OLIG3: variants seen among roughly 807,000 people sequenced by gnomAD.
OLIG3 encodes oligodendrocyte transcription factor 3.
Under a neutral mutation model 14.7 loss-of-function variants are expected in OLIG3, and 12 were observed. That is an observed-to-expected ratio of 0.82 (90% confidence interval 0.52 to 1.32). OLIG3 has a LOEUF of 1.32. OLIG3 is among the 40% of genes most tolerant of loss of function. The pLI, the probability that OLIG3 is intolerant of heterozygous loss-of-function variation, is 0.00. For missense variants in OLIG3, 405 were observed against 373.7 expected, an observed-to-expected ratio of 1.08 and a Z score of -0.69; for synonymous variants, 192 against 171.4, an observed-to-expected ratio of 1.12 and a Z score of -0.94.
rs1267346919 is a variant in OLIG3, at chr6:137,493,644, T to C, written c.527A>G (p.Asn176Ser). The C allele has an allele frequency of 6.2e-7, 1 of 1,608,688 alleles. No individual in the cohort carries two copies. Among genetic ancestry groups the C allele is most frequent in the East Asian group, 2.2e-5 (1 of 44,842 alleles). Residue 176 changes from asparagine to serine, a missense_variant, in exon 1 of 1, where the codon AAC becomes AGC. Transcript: ENST00000367734. This position sits in a 1 kb window ranked among gnomAD's most constrained non-coding sequence, Gnocchi z 6.1. ...HSAGHPAHAA[N>S]SVHPVHPILG... ...GATGGGGTGCACCGGGTGCACGGAG[T>C]TGGCCGCGTGCGCGGGGTGGCCGGC...
rs1419667736 is a variant in OLIG3 at position 137,494,015 on chromosome 6, G to A, written c.156C>T (p.Pro52=). The change falls in exon 1 of 1, where the codon CCC becomes CCT. Residue 52 remains proline (P), a synonymous_variant. Coordinates refer to ENST00000367734, the MANE Select transcript of OLIG3 (RefSeq NM_175747.2). ...CGCCAGCCCGCGAGAGGCTTTCCCC[G>A]GGCATCTTCTGCATCATATCGCCCT... The part of the protein sequence containing the change: ...STQGDMMQKM[P]GESLSRAGAK... 4 of 1,613,106 alleles carry A rather than the reference G, an allele frequency of 2.5e-6. No individual in the cohort carries two copies. The highest frequency in any genetic ancestry group is 1.7e-5 in the Admixed American group (1 of 60,022).
Position 137,494,208 on chromosome 6 carries a change from T to C in OLIG3, c.-38A>G. ...GATGCGGCCCTACCGTGGGGAGGCT[T>C]TAGGCGGGAAATTAAAGAAAATCTT... On this transcript the variant is annotated 5_prime_UTR_variant, in exon 1 of 1. Coordinates refer to ENST00000367734, the MANE Select transcript of OLIG3 (RefSeq NM_175747.2). The C allele has an allele frequency of 6.6e-7, 1 of 1,519,894 alleles. No homozygotes were observed. Among genetic ancestry groups the C allele is most frequent in the Non-Finnish European group, 8.9e-7 (1 of 1,126,016 alleles). The allele number at this position is 1,519,894 out of a possible 1,614,324, so 94.2% of individuals were successfully genotyped here.
In OLIG3 at chr6:137,493,577, C is replaced by G. The variant is rs780244755; in HGVS notation, c.594G>C (p.Leu198=). 6.3e-7 allele frequency: 1 copy of G among 1,592,698 alleles called. No individual in the cohort carries two copies. Among genetic ancestry groups the G allele is most frequent in the Admixed American group, 1.7e-5 (1 of 57,282 alleles). Reference sequence around the variant, plus strand: ...CGATGGCGGGAAGTGAGGCGGCGGACAGCGGTGACGAGGCGTTGCCAGATG... The same window carrying G: ...CGATGGCGGGAAGTGAGGCGGCGGAGAGCGGTGACGAGGCGTTGCCAGATG... ...ALSSGNASSP[L]SAASLPAIGT... is the part of the protein sequence containing the mutation. The change falls in exon 1 of 1, where the codon CTG becomes CTC. Residue 198 remains leucine (L), a synonymous_variant. Coordinates refer to ENST00000367734, the MANE Select transcript of OLIG3 (RefSeq NM_175747.2). This position sits in a 1 kb window ranked among gnomAD's most constrained non-coding sequence, Gnocchi z 6.1.
chr6:137,493,254 G>A lies in OLIG3; in HGVS notation c.*98C>T. ...TGCGGGCCCCGGAGCCTGCCCTCCCGTGGGCCGAGCGTGCAGCCTCCCTCT... is the reference window on the plus strand; with the variant it reads ...TGCGGGCCCCGGAGCCTGCCCTCCCATGGGCCGAGCGTGCAGCCTCCCTCT... On this transcript the variant is annotated 3_prime_UTR_variant, in exon 1 of 1. Coordinates refer to ENST00000367734, the MANE Select transcript of OLIG3 (RefSeq NM_175747.2). The surrounding 1 kb of genome is among the most constrained non-coding windows in gnomAD (Gnocchi z 6.1). 2 of 1,019,592 alleles carry A rather than the reference G, an allele frequency of 2.0e-6. No homozygotes were observed. The highest frequency in any genetic ancestry group is 3.5e-5 in the South Asian group (2 of 56,914). The allele number at this position is 1,019,592 out of a possible 1,614,324, so 63.2% of individuals were successfully genotyped here. A position where few individuals can be genotyped will look rare whatever the true frequency, so the allele number is the denominator to read the frequency against.
At position 137,493,377 on chromosome 6, in the gene OLIG3, G is replaced by C; in HGVS notation, c.794C>G (p.Ala265Gly). 6.3e-7 allele frequency: 1 copy of C among 1,590,946 alleles called. No individual in the cohort carries two copies. The highest frequency in any genetic ancestry group is 8.5e-7 in the Non-Finnish European group (1 of 1,176,116). The change falls in exon 1 of 1, where the codon GCC becomes GGC. Residue 265 changes from alanine (A) to glycine (G), a missense_variant. Physicochemically the swap from Ala to Gly is moderately conservative, Grantham distance 60 (BLOSUM62 0). Around this residue, in one of 3 missense-constraint regions of OLIG3, gnomAD observed 230 missense variants for 178.5 expected, o/e 1.29. Coordinates refer to ENST00000367734, the MANE Select transcript of OLIG3 (RefSeq NM_175747.2). This position sits in a 1 kb window ranked among gnomAD's most constrained non-coding sequence, Gnocchi z 6.1. ...LSTANMARLS[A>G]ESKDLLK ...TCACTTGAGCAAGTCCTTGGACTCGGCCGACAGCCGGGCCATGTTGGCTGT... is the reference window on the plus strand; with the variant it reads ...TCACTTGAGCAAGTCCTTGGACTCGCCCGACAGCCGGGCCATGTTGGCTGT...
rs192339722 is a variant in OLIG3 at position 137,493,317 on chromosome 6, C to G, written c.*35G>C. Reference sequence around the variant, plus strand: ...CGGCACCGCGGCCCCTCCCGCCGCTCTCCCTCCTCCTTGGCAGCCGGGCCC... The same window carrying G: ...CGGCACCGCGGCCCCTCCCGCCGCTGTCCCTCCTCCTTGGCAGCCGGGCCC... On this transcript the variant is annotated 3_prime_UTR_variant, in exon 1 of 1. Coordinates refer to ENST00000367734, the MANE Select transcript of OLIG3 (RefSeq NM_175747.2). The surrounding 1 kb of genome is among the most constrained non-coding windows in gnomAD (Gnocchi z 6.1). 3,460 of 1,490,486 alleles carry G rather than the reference C, an allele frequency of 2.3e-3. 7 individuals are homozygous for G. The highest frequency in any genetic ancestry group is 2.9e-3 in the Non-Finnish European group (3,260 of 1,129,104). The allele number at this position is 1,490,486 out of a possible 1,614,324, so 92.3% of individuals were successfully genotyped here.
At position 137,493,242 on chromosome 6, in the gene OLIG3, G is replaced by T; in HGVS notation, c.*110C>A. ...AGCGTGGGAGGCTGCGGGCCCCGGAGCCTGCCCTCCCGTGGGCCGAGCGTG... is the reference window on the plus strand; with the variant it reads ...AGCGTGGGAGGCTGCGGGCCCCGGATCCTGCCCTCCCGTGGGCCGAGCGTG... On this transcript the variant is annotated 3_prime_UTR_variant, in exon 1 of 1. Coordinates refer to ENST00000367734, the MANE Select transcript of OLIG3 (RefSeq NM_175747.2). This position sits in a 1 kb window ranked among gnomAD's most constrained non-coding sequence, Gnocchi z 6.1. 1 of 867,724 alleles carries T rather than the reference G, an allele frequency of 1.2e-6. No homozygotes were observed. Among genetic ancestry groups the T allele is most frequent in the Non-Finnish European group, 1.7e-6 (1 of 601,682 alleles). 53.8% of individuals were successfully genotyped at this position (867,724 alleles called of 1,614,324 possible). A position where few individuals can be genotyped will look rare whatever the true frequency, so the allele number is the denominator to read the frequency against.
chr6:137,494,101 C>G lies in OLIG3; in HGVS notation c.70G>C (p.Asp24His), dbSNP rs995344275. 6.2e-7 allele frequency: 1 copy of G among 1,612,936 alleles called. No individual in the cohort carries two copies. ...TGGTGGTGGTGGCGGTGGTGGTGGTCCCTCAGGTACATCTCATCCATGTCC... is the reference window on the plus strand; with the variant it reads ...TGGTGGTGGTGGCGGTGGTGGTGGTGCCTCAGGTACATCTCATCCATGTCC... ...SPDMDEMYLR[D>H]HHHRHHHHQE... The change falls in exon 1 of 1, where the codon GAC becomes CAC. Residue 24 changes from aspartate to histidine, a missense_variant. Asp to His is a moderately conservative substitution (Grantham distance 81). Coordinates refer to ENST00000367734, the MANE Select transcript of OLIG3 (RefSeq NM_175747.2).
rs775835187 is a variant in OLIG3 at position 137,493,514 on chromosome 6, G to A, written c.657C>T (p.Pro219=). The A allele has an allele frequency of 7.6e-6, 12 of 1,574,500 alleles. No individual in the cohort carries two copies. In the African/African-American group the frequency reaches 9.4e-5, roughly 12 times the overall value. The part of the protein sequence containing the change: ...IRPPHSLLKA[P]STPPALQLGS... The stretch of plus-strand genomic sequence containing the variant: ...CCAGCTGCAGCGCGGGCGGCGTGGA[G>A]GGCGCCTTGAGTAGCGAGTGGGGAG... The change falls in exon 1 of 1, where the codon CCC becomes CCT. Residue 219 remains proline, a synonymous_variant. Transcript: ENST00000367734. This position sits in a 1 kb window ranked among gnomAD's most constrained non-coding sequence, Gnocchi z 6.1.
Position 137,492,540 on chromosome 6 carries a change from GAGA to G in OLIG3, c.*809_*811del, listed in dbSNP as rs1783130974. 1 of 150,372 alleles carries G rather than the reference GAGA, an allele frequency of 6.7e-6. No individual in the cohort carries two copies. The highest frequency in any genetic ancestry group is 6.7e-5 in the Admixed American group (1 of 15,014). 9.3% of individuals were successfully genotyped at this position (150,372 alleles called of 1,614,324 possible). On this transcript the variant is annotated 3_prime_UTR_variant, in exon 1 of 1. Coordinates refer to ENST00000367734, the MANE Select transcript of OLIG3 (RefSeq NM_175747.2). ...TAAAGTTTGAAGGGGGTGGGGGTGG[GAGA>G]AGAAGCGCGTGTGCGTGAGTGTGGG...
Position 137,493,347 on chromosome 6 carries a change from G to T in OLIG3, c.*5C>A, listed in dbSNP as rs778634424. On this transcript the variant is annotated 3_prime_UTR_variant, in exon 1 of 1. Transcript: ENST00000367734. The surrounding 1 kb of genome is among the most constrained non-coding windows in gnomAD (Gnocchi z 6.1). ...TCCTCCTTGGCAGCCGGGCCCGCCC[G>T]CTGCTCACTTGAGCAAGTCCTTGGA... The T allele has an allele frequency of 3.9e-6, 6 of 1,551,160 alleles. No individual in the cohort carries two copies. Among genetic ancestry groups the T allele is most frequent in the Admixed American group, 3.7e-5 (2 of 53,606 alleles).
At position 137,493,589 on chromosome 6, in the gene OLIG3, G is replaced by T. The variant is rs374120834; in HGVS notation, c.582C>A (p.Ala194=). ...GTGAGGCGGCGGACAGCGGTGACGA[G>T]GCGTTGCCAGATGAGAGCGCGCCGC... ...ILGGALSSGN[A]SSPLSAASLP... is the part of the protein sequence containing the mutation. Residue 194 remains alanine, a synonymous_variant, in exon 1 of 1, where the codon GCC becomes GCA. Coordinates refer to ENST00000367734, the MANE Select transcript of OLIG3 (RefSeq NM_175747.2). This position sits in a 1 kb window ranked among gnomAD's most constrained non-coding sequence, Gnocchi z 6.1. The T allele has an allele frequency of 9.4e-6, 15 of 1,598,362 alleles. No individual in the cohort carries two copies. In the African/African-American group the frequency reaches 2.0e-4, roughly 21 times the overall value.
chr6:137,492,304 G>A lies in OLIG3; in HGVS notation c.*1048C>T, dbSNP rs563268605. 6 of 152,526 alleles carry A rather than the reference G, an allele frequency of 3.9e-5. 1 individual carries two copies. Among genetic ancestry groups the A allele is most frequent in the Middle Eastern group, 6.8e-3 (2 of 294 alleles). 9.4% of individuals were successfully genotyped at this position (152,526 alleles called of 1,614,324 possible). A position where few individuals can be genotyped will look rare whatever the true frequency, so the allele number is the denominator to read the frequency against. ...TATATAAAAAATAAAGACAGGTATC[G>A]TCTTTGAGGCCCTAACAAAATATTT... On this transcript the variant is annotated 3_prime_UTR_variant, in exon 1 of 1. Coordinates refer to ENST00000367734, the MANE Select transcript of OLIG3 (RefSeq NM_175747.2).
rs982197365 is a variant in OLIG3, at chr6:137,494,073, T to C, written c.98A>G (p.Gln33Arg). ...CGAGACCGAGTTGAGACGGCTCTCCTGGTGGTGGTGGTGGCGGTGGTGGTG... is the reference window on the plus strand; with the variant it reads ...CGAGACCGAGTTGAGACGGCTCTCCCGGTGGTGGTGGTGGCGGTGGTGGTG... Reference protein sequence around the residue: ...RDHHHRHHHHQESRLNSVSST... With the variant: ...RDHHHRHHHHRESRLNSVSST... The change falls in exon 1 of 1, where the codon CAG becomes CGG. Residue 33 changes from glutamine to arginine, a missense_variant. Transcript: ENST00000367734. 8 of 1,603,188 alleles carry C rather than the reference T, an allele frequency of 5.0e-6. No individual in the cohort carries two copies. The highest frequency in any genetic ancestry group is 1.7e-5 in the Admixed American group (1 of 59,910).
chr6:137,493,413 G>A lies in OLIG3; in HGVS notation c.758C>T (p.Ser253Phe). The change falls in exon 1 of 1, where the codon TCC (serine) becomes TTC (phenylalanine). Residue 253 changes from serine to phenylalanine, a missense_variant. Ser to Phe is a radical substitution (Grantham distance 155). Coordinates refer to ENST00000367734, the MANE Select transcript of OLIG3 (RefSeq NM_175747.2). The surrounding 1 kb of genome is among the most constrained non-coding windows in gnomAD (Gnocchi z 6.1). Reference sequence around the variant, plus strand: ...GGCCATGTTGGCTGTGGAGAGAGCGGACAGGTGCGGCGGCGGCGGCATCTG... The same window carrying A: ...GGCCATGTTGGCTGTGGAGAGAGCGAACAGGTGCGGCGGCGGCGGCATCTG... ...ICQMPPPPHLSALSTANMARL... is the reference protein window; with the variant it reads ...ICQMPPPPHLFALSTANMARL... 1 of 1,593,204 alleles carries A rather than the reference G, an allele frequency of 6.3e-7. No homozygotes were observed. The highest frequency in any genetic ancestry group is 1.7e-4 in the Middle Eastern group (1 of 5,960).
In OLIG3 at chr6:137,493,613, G is replaced by A; in HGVS notation, c.558C>T (p.Gly186=). ...AGGCGTTGCCAGATGAGAGCGCGCC[G>A]CCCAAGATGGGGTGCACCGGGTGCA... The part of the protein sequence containing the change: ...NSVHPVHPIL[G]GALSSGNASS... Residue 186 remains glycine (G), a synonymous_variant, in exon 1 of 1, where the codon GGC becomes GGT. Coordinates refer to ENST00000367734, the MANE Select transcript of OLIG3 (RefSeq NM_175747.2). The surrounding 1 kb of genome is among the most constrained non-coding windows in gnomAD (Gnocchi z 6.1). 2 of 1,604,978 alleles carry A rather than the reference G, an allele frequency of 1.2e-6. No homozygotes were observed. The highest frequency in any genetic ancestry group is 1.7e-6 in the Non-Finnish European group (2 of 1,177,904).
At position 137,493,265 on chromosome 6, in the gene OLIG3, G is replaced by A. The variant is rs1335720503; in HGVS notation, c.*87C>T. The stretch of plus-strand genomic sequence containing the variant: ...GAGCCTGCCCTCCCGTGGGCCGAGC[G>A]TGCAGCCTCCCTCTTCCCTCCCGGC... On this transcript the variant is annotated 3_prime_UTR_variant, in exon 1 of 1. Coordinates refer to ENST00000367734, the MANE Select transcript of OLIG3 (RefSeq NM_175747.2). The surrounding 1 kb of genome is among the most constrained non-coding windows in gnomAD (Gnocchi z 6.1). 6 of 1,139,748 alleles carry A rather than the reference G, an allele frequency of 5.3e-6. No individual in the cohort carries two copies. In the South Asian group the frequency reaches 8.3e-5, roughly 16 times the overall value. The allele number at this position is 1,139,748 out of a possible 1,614,324, so 70.6% of individuals were successfully genotyped here. A position where few individuals can be genotyped will look rare whatever the true frequency, so the allele number is the denominator to read the frequency against.
rs765168163 is a variant in OLIG3, at chr6:137,493,431, G to T, written c.740C>A (p.Pro247Gln). Residue 247 changes from proline (P) to glutamine (Q), a missense_variant, in exon 1 of 1, where the codon CCG (proline) becomes CAG (glutamine). Physicochemically the swap from Pro to Gln is moderately conservative, Grantham distance 76 (BLOSUM62 -1). Coordinates refer to ENST00000367734, the MANE Select transcript of OLIG3 (RefSeq NM_175747.2). The surrounding 1 kb of genome is among the most constrained non-coding windows in gnomAD (Gnocchi z 6.1). ...GAGAGCGGACAGGTGCGGCGGCGGC[G>T]GCATCTGGCAGATGGTGCAGGGGCA... ...LPCPCTICQMPPPPHLSALST... is the reference protein window; with the variant it reads ...LPCPCTICQMQPPPHLSALST... The T allele has an allele frequency of 4.4e-6, 7 of 1,586,504 alleles. No homozygotes were observed. The highest frequency in any genetic ancestry group is 5.1e-6 in the Non-Finnish European group (6 of 1,172,188).
In OLIG3 at chr6:137,493,503, G is replaced by A. The variant is rs1223198873; in HGVS notation, c.668C>T (p.Pro223Leu). 1 of 1,573,730 alleles carries A rather than the reference G, an allele frequency of 6.4e-7. No individual in the cohort carries two copies. Among genetic ancestry groups the A allele is most frequent in the Admixed American group, 1.8e-5 (1 of 54,794 alleles). ...GAAGCCGCTGCCCAGCTGCAGCGCG[G>A]GCGGCGTGGAGGGCGCCTTGAGTAG... ...HSLLKAPSTP[P>L]ALQLGSGFQH... Residue 223 changes from proline to leucine, a missense_variant, in exon 1 of 1, where the codon CCC (proline) becomes CTC (leucine). By Grantham distance (98) the Pro-to-Leu change is moderately conservative. Coordinates refer to ENST00000367734, the MANE Select transcript of OLIG3 (RefSeq NM_175747.2). This position sits in a 1 kb window ranked among gnomAD's most constrained non-coding sequence, Gnocchi z 6.1.
Sources: allele counts gnomAD v4.1 joint callset, GRCh38; gene constraint gnomAD v4.1.1; regional missense constraint gnomAD v4.1.1; non-coding constraint Gnocchi (gnomAD v3.1); transcripts MANE v1.5; gene names NCBI Gene and HGNC (gene_info 2026-07-23, HGNC 2026-07-21).